Variants in ENTREP2 observed in about 807,000 individuals in gnomAD.
The protein encoded by ENTREP2 is endosomal transmembrane epsin interactor 2.
At chr15:29,158,716 C>T in the ENTREP2 span, among the ~76,000 whole-genome samples, 30 of 152,012 alleles carry the variant, frequency 2.0e-4, no homozygotes, top group Admixed American at 8.5e-4. Flanking sequence ...TTCAAAACGG[C>T]GAATATGAGA....
At chr15:29,195,166 C>A in the ENTREP2 span, 1 of 985,272 alleles carries the variant, frequency 1.0e-6, no homozygotes, top group African/African-American at 1.7e-5. Context: ...TTCCTCCAAC[C>A]CCGCTGCATC....
chr15:29,667,960 A>G, the ENTREP2 span, among the ~76,000 whole-genome samples: 2 of 152,176 alleles, frequency 1.3e-5, no homozygotes, highest in African/African-American at 4.8e-5. Flanking sequence ...CAGCTGTCTA[A>G]ATTAGAATCT....
the ENTREP2 span, among the ~76,000 whole-genome samples, chr15:29,193,728 A>G: frequency 1.3e-5 from 2 of 152,230 alleles, no homozygotes; most frequent in African/African-American, 2.4e-5. Flanking sequence ...TGCATAGCAC[A>G]TGACTGTCTA....
At chr15:29,126,461 G>T in the ENTREP2 span, 2 of 1,550,164 alleles carry the variant, frequency 1.3e-6, no homozygotes, top group Admixed American at 3.9e-5. Flanking sequence ...AGTGCCCTCG[G>T]ACACCAGGAG....
the ENTREP2 span, among the ~76,000 whole-genome samples, chr15:29,296,398 A>G: frequency 1.3e-5 from 2 of 152,190 alleles, no homozygotes; most frequent in Non-Finnish European, 2.9e-5. Flanking sequence ...CAAATGTAAG[A>G]TGCTATAGAA....
At chr15:29,445,192 C>T in the ENTREP2 span, among the ~76,000 whole-genome samples, 22 of 152,246 alleles carry the variant, frequency 1.4e-4, no homozygotes, top group Admixed American at 2.6e-4. Context: ...GGAATTAGTG[C>T]GAGATACTGG....
At chr15:29,615,644 C>T in the ENTREP2 span, among the ~76,000 whole-genome samples, 1 of 152,114 alleles carries the variant, frequency 6.6e-6, no homozygotes, top group Non-Finnish European at 1.5e-5. Flanking sequence ...GAGTCATTCC[C>T]AAGATGAGAG....
chr15:29,254,161 C>CAAAAAAAAAAAAA, the ENTREP2 span, among the ~76,000 whole-genome samples: 1 of 61,324 alleles, frequency 1.6e-5, no homozygotes, highest in Non-Finnish European at 2.8e-5. Context: ...TGTTAAAGAG[C>CAAAAAAAAAAAAA]AAAAAAAAAA....
the ENTREP2 span, among the ~76,000 whole-genome samples, chr15:29,318,056 G>A: frequency 3.3e-5 from 5 of 152,068 alleles, no homozygotes; most frequent in Admixed American, 1.3e-4. Context: ...AATTTTCCGC[G>A]TTTCCAGAGA....
chr15:29,396,556 G>T, the ENTREP2 span, among the ~76,000 whole-genome samples: 2 of 152,084 alleles, frequency 1.3e-5, no homozygotes, highest in Admixed American at 1.3e-4. Flanking sequence ...TTCCCATTCT[G>T]TGGGTTGCCT....
chr15:29,434,086 T>C, the ENTREP2 span, among the ~76,000 whole-genome samples: 1 of 152,264 alleles, frequency 6.6e-6, no homozygotes, highest in Non-Finnish European at 1.5e-5. Context: ...GGAAATCTGC[T>C]GAATGAACTA....
the ENTREP2 span, among the ~76,000 whole-genome samples, chr15:29,326,044 GA>G: frequency 3.2e-4 from 48 of 152,184 alleles, no homozygotes; most frequent in African/African-American, 1.1e-3. Context: ...ACTCATTTAT[GA>G]AAGAAAATTC....
the ENTREP2 span, among the ~76,000 whole-genome samples, chr15:29,444,663 C>T: frequency 6.6e-6 from 1 of 151,984 alleles, no homozygotes; most frequent in African/African-American, 2.4e-5. Flanking sequence ...GACGGGGTTT[C>T]ACCATATTGG....
At chr15:29,630,123 A>AAAAT in the ENTREP2 span, among the ~76,000 whole-genome samples, 3 of 152,152 alleles carry the variant, frequency 2.0e-5, no homozygotes, top group Non-Finnish European at 4.4e-5. Flanking sequence ...CTCAAAAATT[A>AAAAT]AAATAAATAA....
chr15:29,157,071 T>C, the ENTREP2 span, among the ~76,000 whole-genome samples: 1 of 152,048 alleles, frequency 6.6e-6, no homozygotes, highest in Non-Finnish European at 1.5e-5. Flanking sequence ...TATTCCAGCC[T>C]GGGCGACAAA....
the ENTREP2 span, among the ~76,000 whole-genome samples, chr15:29,218,016 T>C: frequency 1.3e-5 from 2 of 152,106 alleles, no homozygotes; most frequent in African/African-American, 4.8e-5. Context: ...TTGTTGTCTG[T>C]CTTCTGGGTC....
At chr15:29,384,492 C>G in the ENTREP2 span, among the ~76,000 whole-genome samples, 5 of 152,134 alleles carry the variant, frequency 3.3e-5, no homozygotes, top group African/African-American at 1.2e-4. Context: ...TGGATGCCTC[C>G]ACCAAACAAA....
chr15:29,669,355 A>G, the ENTREP2 span, among the ~76,000 whole-genome samples: 1 of 152,148 alleles, frequency 6.6e-6, no homozygotes, highest in African/African-American at 2.4e-5. Context: ...TGGCTTTATA[A>G]GAAGAGAAAG....
At chr15:29,557,111 T>A in the ENTREP2 span, among the ~76,000 whole-genome samples, 1 of 152,202 alleles carries the variant, frequency 6.6e-6, no homozygotes, top group Admixed American at 6.5e-5. Flanking sequence ...CTGCCGGTCA[T>A]GTGTCAGATA....
Sources: gnomAD v4.1 joint callset for allele counts (sites outside exome capture counted in the v4.1 genomes callset) on GRCh38, gnomAD v4.1.1 for gene constraint, MANE v1.5 for transcripts, NCBI Gene and HGNC (gene_info 2026-07-23, HGNC 2026-07-21) for gene names.